Variants in RPA1 observed in about 807,000 individuals in gnomAD.
The protein encoded by RPA1 is replication protein A 70 kDa DNA-binding subunit.
RPA1 carries 49 observed loss-of-function variants against 83.0 expected under a neutral mutation model. The observed-to-expected ratio is 0.59, with a 90% confidence interval of 0.47 to 0.75. RPA1 has a LOEUF of 0.75. Among genes scored for constraint, RPA1 ranks in the 30% least tolerant of loss-of-function variants. The probability of loss-of-function intolerance (pLI) is 0.00; values close to 1 mark genes in which losing one functional copy is unlikely to be tolerated. For synonymous variants in RPA1, 279 were observed against 281.8 expected, an observed-to-expected ratio of 0.99 and a Z score of 0.10; for missense variants, 693 against 776.1, an observed-to-expected ratio of 0.89 and a Z score of 1.27.
In RPA1 at chr17:1,883,807, T is replaced by C; in HGVS notation, c.1242-5T>C. The C allele has an allele frequency of 6.2e-7, 1 of 1,613,974 alleles. No homozygotes were observed. ...CTCGTCATCGTTATTCGTTCACGTT[T>C]TCAGGTTTGACGCAGAAGGACAAGC... is the stretch of plus-strand genomic sequence containing the variant. On this transcript the variant is annotated splice_polypyrimidine_tract_variant and splice_region_variant and intron_variant, in intron 12 of 16. Coordinates refer to ENST00000254719, the MANE Select transcript of RPA1 (RefSeq NM_002945.5).
chr17:1,868,446 C>T (rs1913264551), intron 5 of RPA1, among the ~76,000 whole-genome samples: 1 of 152,074 alleles, frequency 6.6e-6, no homozygotes, highest in South Asian at 2.1e-4. Context: ...AAGTCTAGCC[C>T]ACAAATAGGC....
At chr17:1,892,094 C>T (rs1283913768) in intron 15 of RPA1, among the ~76,000 whole-genome samples, 154 bp downstream of exon 15, 1 of 151,834 alleles carries the variant, frequency 6.6e-6, no homozygotes, top group African/African-American at 2.4e-5. Context: ...GCAGTCTCCG[C>T]CTCCCGGGTT....
At position 1,849,653 on chromosome 17, in the gene RPA1, G is replaced by A. The variant is rs1285378169; in HGVS notation, c.273-3448G>A. ...TTTTTAATTTTACTGTATTGACAGCGCTGTCAAAACTTTGTTGGACGATGG... is the reference window on the plus strand; with the variant it reads ...TTTTTAATTTTACTGTATTGACAGCACTGTCAAAACTTTGTTGGACGATGG... On this transcript the variant is annotated intron_variant, in intron 4 of 16. Transcript: ENST00000254719. Among the ~76,000 whole-genome samples the A allele has an allele frequency of 1.3e-4, 19 of 150,564 alleles. 1 individual carries two copies. The highest frequency in any genetic ancestry group is 6.6e-5 in the Admixed American group (1 of 15,062).
intron 4 of RPA1, among the ~76,000 whole-genome samples, chr17:1,849,442 A>G (rs988936174): frequency 1.3e-5 from 2 of 150,760 alleles, no homozygotes; most frequent in East Asian, 2.0e-4. Flanking sequence ...ACAGGTGCCC[A>G]CCGCCACGCC....
intron 2 of RPA1, among the ~76,000 whole-genome samples, chr17:1,843,248 G>T (rs1370115752): frequency 6.6e-6 from 1 of 151,536 alleles, no homozygotes; most frequent in African/African-American, 2.4e-5. Context: ...ATTTATTTAA[G>T]GGGTTCTCAA....
rs1444195309 is a variant in RPA1 at position 1,879,032 on chromosome 17, A to C, written c.730A>C (p.Lys244Gln). The change falls in exon 9 of 17, where the codon AAG becomes CAG. Residue 244 changes from lysine (K) to glutamine (Q), a missense_variant. Coordinates refer to ENST00000254719, the MANE Select transcript of RPA1 (RefSeq NM_002945.5). The stretch of plus-strand genomic sequence containing the variant: ...TACAGCTTTCAATGAGCAAGTGGAC[A>C]AGTTCTTTCCTCTTATTGAAGTGAA... ...RATAFNEQVD[K>Q]FFPLIEVNKV... 1 of 1,614,096 alleles carries C rather than the reference A, an allele frequency of 6.2e-7. No homozygotes were observed. The highest frequency in any genetic ancestry group is 2.2e-5 in the East Asian group (1 of 44,904).
intron 16 of RPA1, among the ~76,000 whole-genome samples, chr17:1,895,771 C>T (rs1914394436): frequency 6.6e-6 from 1 of 151,854 alleles, no homozygotes; most frequent in South Asian, 2.1e-4. Context: ...CAACCTCCGC[C>T]TCCCGGGTTC....
At chr17:1,831,837 G>T (rs939065775) in intron 1 of RPA1, among the ~76,000 whole-genome samples, 15 of 148,322 alleles carry the variant, frequency 1.0e-4, no homozygotes, top group African/African-American at 3.5e-4. Flanking sequence ...CTGACCTTGT[G>T]ATTCGCCCGC....
chr17:1,845,028 A>G (rs1269037664), intron 4 of RPA1, among the ~76,000 whole-genome samples: 6 of 152,094 alleles, frequency 3.9e-5, no homozygotes, highest in South Asian at 2.1e-4. Flanking sequence ...AGATCAGGCA[A>G]TCTGCCCACC....
At chr17:1,890,982 T>C (rs1049376604) in intron 14 of RPA1, among the ~76,000 whole-genome samples, 3 of 152,350 alleles carry the variant, frequency 2.0e-5, no homozygotes, top group Non-Finnish European at 1.5e-5. Flanking sequence ...ATACCGTTGC[T>C]GTGTATTGAG....
Position 1,883,840 on chromosome 17 carries a change from G to A in RPA1, c.1270G>A (p.Gly424Ser). 1 of 1,614,106 alleles carries A rather than the reference G, an allele frequency of 6.2e-7. No homozygotes were observed. The highest frequency in any genetic ancestry group is 1.3e-5 in the African/African-American group (1 of 75,014). ...WFDAEGQALD[G>S]VSISDLKSGG... ...TGACGCAGAAGGACAAGCCTTAGATGGTGTTTCCATCTCTGATCTAAAGAG... is the reference window on the plus strand; with the variant it reads ...TGACGCAGAAGGACAAGCCTTAGATAGTGTTTCCATCTCTGATCTAAAGAG... Residue 424 changes from glycine (G) to serine (S), a missense_variant, in exon 13 of 17, where the codon GGT becomes AGT. Transcript: ENST00000254719.
chr17:1,877,411 A>G, intron 8 of RPA1, 97 bp downstream of exon 8: 1 of 1,066,782 alleles, frequency 9.4e-7, no homozygotes, highest in African/African-American at 1.6e-5. Flanking sequence ...GGGAAACAGA[A>G]GGCTCAGCTC....
At chr17:1,839,788 GTTTTTTTTTT>G (rs71150821) in intron 1 of RPA1, among the ~76,000 whole-genome samples, 8 of 68,950 alleles carry the variant, frequency 1.2e-4, no homozygotes, top group African/African-American at 4.0e-4. Flanking sequence ...CGCCCAGCTA[GTTTTTTTTTT>G]TTTTTTTTTT....
intron 6 of RPA1, among the ~76,000 whole-genome samples, chr17:1,872,771 G>A (rs190188439): frequency 2.7e-3 from 394 of 144,560 alleles, no homozygotes; most frequent in Non-Finnish European, 5.1e-3. Context: ...GGAGTGCAGT[G>A]GAAGCATCAC....
chr17:1,889,745 A>C (rs1167106561), intron 14 of RPA1, among the ~76,000 whole-genome samples: 1 of 152,156 alleles, frequency 6.6e-6, no homozygotes, highest in Non-Finnish European at 1.5e-5. Flanking sequence ...CACTTTTGTA[A>C]TCCCAGCACT....
chr17:1,872,396 C>G, intron 5 of RPA1, 38 bp from the exon 6 acceptor site: 1 of 1,607,002 alleles, frequency 6.2e-7, no homozygotes. Flanking sequence ...TAACCCAAAT[C>G]CTTTGCACTA....
Position 1,830,138 on chromosome 17 carries a change from C to T in RPA1, c.33+12C>T. 2 of 1,244,704 alleles carry T rather than the reference C, an allele frequency of 1.6e-6. No individual in the cohort carries two copies. The highest frequency in any genetic ancestry group is 3.2e-5 in the East Asian group (1 of 31,700). 77.1% of individuals were successfully genotyped at this position (1,244,704 alleles called of 1,614,324 possible). On this transcript the variant is annotated intron_variant, in intron 1 of 16. Transcript: ENST00000254719. ...AGGGGGCCATTGCGGTGAGGAGGTG[C>T]CGGGGGCTGGGCCGGCGGTCCGGGG...
chr17:1,896,549 G>A (rs2151294146), intron 16 of RPA1, among the ~76,000 whole-genome samples: 1 of 152,240 alleles, frequency 6.6e-6, no homozygotes, highest in South Asian at 2.1e-4. Context: ...GGGGATTTTT[G>A]GGGCCATTCA....
intron 5 of RPA1, among the ~76,000 whole-genome samples, chr17:1,871,624 T>C (rs1391865029): frequency 6.6e-6 from 1 of 152,206 alleles, no homozygotes; most frequent in East Asian, 1.9e-4. Context: ...ATTCCATAAA[T>C]CTGTTATTTC....
Sources: allele counts gnomAD v4.1 joint callset (sites outside exome capture counted in the v4.1 genomes callset), GRCh38; gene constraint gnomAD v4.1.1; transcripts MANE v1.5; gene names NCBI Gene and HGNC (gene_info 2026-07-23, HGNC 2026-07-21).